LOC128462377: variants seen among roughly 807,000 people sequenced by gnomAD.
the LOC128462377 span, among the ~76,000 whole-genome samples, chr16:89,361,121 C>T: frequency 6.6e-6 from 1 of 152,202 alleles, no homozygotes; most frequent in Non-Finnish European, 1.5e-5. Context: ...AACCCAATTA[C>T]AGACACCCTG....
chr16:89,324,018 C>A, the LOC128462377 span: 654 of 218,106 alleles, frequency 3.0e-3, 6 homozygotes, highest in African/African-American at 0.015. Context: ...TGCCCAGCTA[C>A]TTTTTGTATT....
At chr16:89,371,181 C>T in the LOC128462377 span, among the ~76,000 whole-genome samples, 1 of 152,056 alleles carries the variant, frequency 6.6e-6, no homozygotes, top group Admixed American at 6.5e-5. Context: ...CAAGGAAGTG[C>T]CAGAAAAAGA....
chr16:89,413,770 C>T, the LOC128462377 span, among the ~76,000 whole-genome samples: 1 of 152,226 alleles, frequency 6.6e-6, no homozygotes, highest in Non-Finnish European at 1.5e-5. Flanking sequence ...AGCCGACAAG[C>T]TCCCCAGGGG....
At chr16:89,387,766 G>C in the LOC128462377 span, among the ~76,000 whole-genome samples, 1 of 151,522 alleles carries the variant, frequency 6.6e-6, no homozygotes, top group African/African-American at 2.4e-5. Flanking sequence ...ACTTTGGGAG[G>C]CTGAGGCAGG....
At chr16:89,373,316 G>C in the LOC128462377 span, 1 of 152,292 alleles carries the variant, frequency 6.6e-6, no homozygotes, top group African/African-American at 2.4e-5. Context: ...ATCCAACACA[G>C]CAACACCGGA....
the LOC128462377 span, among the ~76,000 whole-genome samples, chr16:89,337,503 C>G: frequency 8.4e-6 from 1 of 119,222 alleles, no homozygotes; most frequent in Non-Finnish European, 1.6e-5. Context: ...GTGGTGCGAT[C>G]TCAGCTCACT....
the LOC128462377 span, among the ~76,000 whole-genome samples, chr16:89,325,793 C>T: frequency 6.6e-6 from 1 of 152,188 alleles, no homozygotes; most frequent in Non-Finnish European, 1.5e-5. Flanking sequence ...CCTTGCAAGG[C>T]CTCAGAGGTG....
At chr16:89,403,338 C>T in the LOC128462377 span, among the ~76,000 whole-genome samples, 9 of 152,286 alleles carry the variant, frequency 5.9e-5, no homozygotes, top group East Asian at 1.7e-3. Flanking sequence ...TCCTGACTGG[C>T]CCCAGCACCG....
chr16:89,364,427 C>G, the LOC128462377 span, among the ~76,000 whole-genome samples: 2 of 152,338 alleles, frequency 1.3e-5, no homozygotes, highest in Admixed American at 1.3e-4. Context: ...ACGGTAAGAA[C>G]AAGCTGAAAT....
At chr16:89,354,482 A>ACAGAGGG in the LOC128462377 span, among the ~76,000 whole-genome samples, 2 of 152,342 alleles carry the variant, frequency 1.3e-5, no homozygotes, top group Middle Eastern at 3.4e-3. Context: ...TGGAAATGTC[A>ACAGAGGG]CAGAGGGCAG....
chr16:89,342,508 C>G, the LOC128462377 span, among the ~76,000 whole-genome samples: 1 of 152,222 alleles, frequency 6.6e-6, no homozygotes, highest in Non-Finnish European at 1.5e-5. Context: ...GAGAGGCCAG[C>G]GTGAACTCGC....
chr16:89,387,651 C>T, the LOC128462377 span, among the ~76,000 whole-genome samples: 1 of 139,664 alleles, frequency 7.2e-6, no homozygotes, highest in African/African-American at 2.7e-5. Context: ...CTAGCCTGGG[C>T]GACAGAGCGA....
the LOC128462377 span, among the ~76,000 whole-genome samples, chr16:89,336,868 G>T: frequency 6.6e-6 from 1 of 152,068 alleles, no homozygotes; most frequent in African/African-American, 2.4e-5. Context: ...GCTCACGCCT[G>T]TAATCCCAGC....
the LOC128462377 span, among the ~76,000 whole-genome samples, chr16:89,337,429 C>CTATTTTTTTTT: frequency 1.9e-5 from 1 of 53,118 alleles, no homozygotes; most frequent in Non-Finnish European, 3.2e-5. Flanking sequence ...CTAAGCAATT[C>CTATTTTTTTTT]TTTTTTTTTT....
chr16:89,344,345 C>G, the LOC128462377 span, among the ~76,000 whole-genome samples: 1 of 152,184 alleles, frequency 6.6e-6, no homozygotes. Flanking sequence ...GAGCTGCAAC[C>G]ATCCAAAGAC....
the LOC128462377 span, among the ~76,000 whole-genome samples, chr16:89,409,866 G>C: frequency 7.0e-6 from 1 of 142,046 alleles, no homozygotes; most frequent in Non-Finnish European, 1.5e-5. Context: ...TGAGATGGGA[G>C]TCTCGCTCTG....
chr16:89,344,406 C>A, the LOC128462377 span, among the ~76,000 whole-genome samples: 1 of 152,152 alleles, frequency 6.6e-6, no homozygotes, highest in African/African-American at 2.4e-5. Flanking sequence ...ACCAGCAACT[C>A]CAGACCCCGT....
At chr16:89,399,290 A>G in the LOC128462377 span, among the ~76,000 whole-genome samples, 1 of 152,108 alleles carries the variant, frequency 6.6e-6, no homozygotes, top group African/African-American at 2.4e-5. Context: ...GACCCAAGAC[A>G]CTCATAGGTG....
chr16:89,325,633 TGGAA>T, the LOC128462377 span, among the ~76,000 whole-genome samples: 2 of 152,182 alleles, frequency 1.3e-5, no homozygotes, highest in African/African-American at 4.8e-5. Context: ...CGGATGGAAT[TGGAA>T]GGGACGGTGA....
Sources: gnomAD v4.1 joint callset for allele counts (sites outside exome capture counted in the v4.1 genomes callset) on GRCh38, gnomAD v4.1.1 for gene constraint, MANE v1.5 for transcripts.